The following SCAPER variants were observed in gnomAD, a reference collection of about 807,000 sequenced individuals.
SCAPER encodes the protein S-phase cyclin A associated protein in the ER, also known as S phase cyclin A-associated protein in the endoplasmic reticulum.
Under a neutral mutation model 182.2 loss-of-function variants are expected in SCAPER, and 98 were observed. The observed-to-expected ratio is 0.54, with a 90% CI of 0.46 to 0.64. The LOEUF is 0.64. SCAPER is among the 30% of genes least tolerant of loss of function. The pLI is 0.00. For synonymous variants in SCAPER, 605 were observed against 564.6 expected (o/e 1.07, Z -1.01); for missense variants, 1,432 against 1,690.0 (o/e 0.85, Z 2.68).
chr15:76,434,864 T>C (rs1248837721), intron 25 of SCAPER, among the ~76,000 whole-genome samples: 1 of 152,200 alleles, frequency 6.6e-6, no homozygotes, highest in Non-Finnish European at 1.5e-5. Flanking sequence ...TATTAAACGT[T>C]GGAGCTTGGA....
At chr15:76,490,082 T>C (rs2052133542) in intron 24 of SCAPER, among the ~76,000 whole-genome samples, 1 of 152,198 alleles carries the variant, frequency 6.6e-6, no homozygotes, top group Non-Finnish European at 1.5e-5. Flanking sequence ...CTCCTCAAAA[T>C]TGTCAATAGT....
chr15:76,570,573 T>C (rs1178943471), intron 23 of SCAPER, among the ~76,000 whole-genome samples: 1 of 152,080 alleles, frequency 6.6e-6, no homozygotes, highest in East Asian at 1.9e-4. Flanking sequence ...CTATAGAAAT[T>C]TTCAAGCTTA....
chr15:76,826,476 TG>T (rs1383572760), intron 5 of SCAPER, among the ~76,000 whole-genome samples: 5 of 147,056 alleles, frequency 3.4e-5, no homozygotes, highest in East Asian at 4.2e-4. Context: ...GACGAGTGAG[TG>T]GGTGCAGCGC....
chr15:76,362,141 T>A (rs1356298766), intron 29 of SCAPER, among the ~76,000 whole-genome samples: 1 of 151,842 alleles, frequency 6.6e-6, no homozygotes, highest in African/African-American at 2.4e-5. Context: ...CCCAGCTAAT[T>A]TTTGTATTTT....
In SCAPER at chr15:76,591,780, TG is replaced by T. The variant is rs1473389544; in HGVS notation, c.2712-17497del. On this transcript the variant is annotated intron_variant, in intron 22 of 31. Transcript: ENST00000563290. ...ACAAAGAAAGATTAAAAATATAGGC[TG>T]GGCCGCAGTGGCACATGCCCATAAT... Among the ~76,000 whole-genome samples, 4 of 152,354 alleles carry T rather than the reference TG, an allele frequency of 2.6e-5. No individual in the cohort carries two copies. The East Asian group carries it at 7.7e-4, about 29-fold the overall frequency.
At chr15:76,541,613 CTCTA>C (rs1206526542) in intron 23 of SCAPER, among the ~76,000 whole-genome samples, 1 of 152,148 alleles carries the variant, frequency 6.6e-6, no homozygotes, top group East Asian at 1.9e-4. Flanking sequence ...CTATAAATGA[CTCTA>C]TATGCTTCTT....
intron 17 of SCAPER, among the ~76,000 whole-genome samples, chr15:76,717,118 T>G (rs1429280443): frequency 1.5e-5 from 2 of 135,714 alleles, no homozygotes. Flanking sequence ...GAGAATGGGA[T>G]GACATATTCA....
intron 23 of SCAPER, among the ~76,000 whole-genome samples, chr15:76,572,735 C>T (rs933594450): frequency 1.3e-5 from 2 of 152,054 alleles, no homozygotes; most frequent in African/African-American, 2.4e-5. Context: ...ATCAGAAATC[C>T]GGGGCAGGAG....
intron 23 of SCAPER, among the ~76,000 whole-genome samples, chr15:76,557,254 AT>A (rs1712084299): frequency 6.6e-6 from 1 of 152,208 alleles, no homozygotes; most frequent in Non-Finnish European, 1.5e-5. Flanking sequence ...AAAAAAAAAA[AT>A]CTATTTTAAA....
intron 23 of SCAPER, among the ~76,000 whole-genome samples, chr15:76,557,384 T>G (rs971566957): frequency 6.6e-6 from 1 of 152,172 alleles, no homozygotes; most frequent in African/African-American, 2.4e-5. Flanking sequence ...GTAGCTGATA[T>G]AGTTTGGCTC....
Position 76,799,416 on chromosome 15 carries a change from C to T in SCAPER, c.611+832G>A, listed in dbSNP as rs182590947. Among the ~76,000 whole-genome samples the T allele has an allele frequency of 3.1e-3, 471 of 149,784 alleles. 2 individuals are homozygous for T. Among genetic ancestry groups the T allele is most frequent in the African/African-American group, 0.011 (444 of 40,660 alleles). ...TAGCTGGGATTACAGGCACATGCCA[C>T]GACACATGGCTAATTTTTGTATTTT... On this transcript the variant is annotated intron_variant, in intron 7 of 31. Coordinates refer to ENST00000563290, the MANE Select transcript of SCAPER (RefSeq NM_020843.4).
chr15:76,353,327 C>G (rs1164187370), intron 30 of SCAPER, among the ~76,000 whole-genome samples: 1 of 152,108 alleles, frequency 6.6e-6, no homozygotes, highest in Non-Finnish European at 1.5e-5. Flanking sequence ...AAAAGAAATT[C>G]ACAGGATGAG....
At position 76,648,189 on chromosome 15, in the gene SCAPER, TAA is replaced by T. The variant is rs3063684; in HGVS notation, c.2645+17462_2645+17463del. 1.9e-4 allele frequency among the ~76,000 whole-genome samples: 28 copies of T among 145,756 alleles called. No homozygotes were observed. In the South Asian group the frequency reaches 1.9e-3, roughly 10 times the overall value. ...TTCATAAACATATTAAATGAAAACATAAAAAAAAAAACAAGAAATATCGAGAA... is the reference window on the plus strand; with the variant it reads ...TTCATAAACATATTAAATGAAAACATAAAAAAAAACAAGAAATATCGAGAA... On this transcript the variant is annotated intron_variant, in intron 21 of 31. Transcript: ENST00000563290.
chr15:76,562,663 T>A (rs2145173104), intron 23 of SCAPER, among the ~76,000 whole-genome samples: 1 of 152,350 alleles, frequency 6.6e-6, no homozygotes, highest in South Asian at 2.1e-4. Context: ...TTTTATATAC[T>A]GCTGGTAGAA....
Position 76,665,581 on chromosome 15 carries a change from T to C in SCAPER, c.2645+72A>G, listed in dbSNP as rs1447865830. ...AGCAAACAACTTTAAACTTTTTTTG[T>C]CTTCCTTGGATTTACATTAAAAGAT... On this transcript the variant is annotated intron_variant, in intron 21 of 31. Transcript: ENST00000563290. The C allele has an allele frequency of 5.4e-6, 8 of 1,469,088 alleles. No individual in the cohort carries two copies. The African/African-American group carries it at 9.9e-5, about 18-fold the overall frequency. The allele number at this position is 1,469,088 out of a possible 1,614,324, so 91.0% of individuals were successfully genotyped here. A position where few individuals can be genotyped will look rare whatever the true frequency, so the allele number is the denominator to read the frequency against.
chr15:76,581,255 A>G (rs2048248965), intron 22 of SCAPER, among the ~76,000 whole-genome samples: 1 of 152,208 alleles, frequency 6.6e-6, no homozygotes, highest in Non-Finnish European at 1.5e-5. Context: ...AATCTTATCA[A>G]TCTTACTCAA....
chr15:76,893,976 C>T (rs1021219697), intron 1 of SCAPER, among the ~76,000 whole-genome samples: 11 of 152,190 alleles, frequency 7.2e-5, no homozygotes, highest in Admixed American at 2.6e-4. Context: ...CAGGGCCAGG[C>T]GCAGTGGCTC....
chr15:76,381,678 G>A (rs2042951834), intron 27 of SCAPER, 63 bp from the exon 28 acceptor site: 1 of 1,289,548 alleles, frequency 7.8e-7, no homozygotes, highest in African/African-American at 1.5e-5. Flanking sequence ...AATTTGTATA[G>A]GTTAAATGAA....
intron 23 of SCAPER, among the ~76,000 whole-genome samples, chr15:76,530,503 T>C (rs1264340124): frequency 1.3e-5 from 2 of 152,338 alleles, no homozygotes; most frequent in South Asian, 2.1e-4. Flanking sequence ...AAAGGCATCA[T>C]GTACTGGCCT....
Sources: gnomAD v4.1 joint callset for allele counts (sites outside exome capture counted in the v4.1 genomes callset) on GRCh38, gnomAD v4.1.1 for gene constraint, MANE v1.5 for transcripts, NCBI Gene and HGNC (gene_info 2026-07-23, HGNC 2026-07-21) for gene names.